COL27A1: variants seen among roughly 807,000 people sequenced by gnomAD.
The protein encoded by COL27A1 is collagen type XXVII alpha 1 chain.
COL27A1 carries 106 observed loss-of-function variants against 251.3 expected under a neutral mutation model. The observed-to-expected ratio is 0.42, with a 90% CI of 0.36 to 0.50. The LOEUF is 0.50. COL27A1 is among the 20% of genes least tolerant of loss of function. The pLI, the probability that COL27A1 is intolerant of heterozygous loss-of-function variation, is 0.00. For synonymous variants in COL27A1, 1,000 were observed against 986.3 expected, an observed-to-expected ratio of 1.01 and a Z score of -0.26; for missense variants, 2,325 against 2,522.8, an observed-to-expected ratio of 0.92 and a Z score of 1.68.
chr9:114,258,648 G>A (rs149584461), intron 28 of COL27A1, 54 bp downstream of exon 28: 27,093 of 1,567,154 alleles, frequency 0.017, 335 homozygotes, highest in Non-Finnish European at 0.02. Context: ...GGCACACTTG[G>A]AACAGGGCCA....
intron 5 of COL27A1, among the ~76,000 whole-genome samples, chr9:114,191,358 C>A (rs117692961): frequency 0.043 from 6,506 of 152,078 alleles, 181 homozygotes; most frequent in Middle Eastern, 0.092. Flanking sequence ...ACCTATCAAC[C>A]CGTCACCTAG....
chr9:114,256,309 G>T (rs753698339), intron 27 of COL27A1, among the ~76,000 whole-genome samples: 1 of 152,162 alleles, frequency 6.6e-6, no homozygotes, highest in Non-Finnish European at 1.5e-5. Flanking sequence ...GGCTAACACG[G>T]TGAAACCCCG....
At chr9:114,190,906 T>G (rs1171629583) in intron 5 of COL27A1, among the ~76,000 whole-genome samples, 1 of 152,262 alleles carries the variant, frequency 6.6e-6, no homozygotes, top group African/African-American at 2.4e-5. Context: ...TGTAAATGGT[T>G]AGTTAGACTT....
intron 5 of COL27A1, among the ~76,000 whole-genome samples, chr9:114,184,124 G>A (rs924334088): frequency 1.0e-3 from 5 of 4,972 alleles, no homozygotes; most frequent in Non-Finnish European, 2.0e-3. Flanking sequence ...GCTGTGGAGG[G>A]GGCAGATGGG....
chr9:114,286,437 A>G (rs548597372), intron 41 of COL27A1, among the ~76,000 whole-genome samples: 1 of 152,280 alleles, frequency 6.6e-6, no homozygotes, highest in East Asian at 1.9e-4. Flanking sequence ...GTCCGATGCC[A>G]GACCCTGCTT....
chr9:114,213,200 C>A lies in COL27A1; in HGVS notation c.2367+2174C>A, dbSNP rs533006800. 8.5e-5 allele frequency among the ~76,000 whole-genome samples: 13 copies of A among 152,224 alleles called. 1 individual carries two copies. Among genetic ancestry groups the A allele is most frequent in the Admixed American group, 3.3e-4 (5 of 15,292 alleles). On this transcript the variant is annotated intron_variant, in intron 12 of 60. Coordinates refer to ENST00000356083, the MANE Select transcript of COL27A1 (RefSeq NM_032888.4). ...CTCCTGAGCATGGAAGAGGTAAGAC[C>A]CATGAAAGCCTGGACATGTTATGGC...
In COL27A1 at chr9:114,264,356, GC is replaced by G; in HGVS notation, c.3202del (p.Arg1068GlufsTer15). ...GCTAGTCCCTTTTTCCTATTCCAGG[GC>G]CCCCGAGGACCGGACGGACCAGCTG... is the stretch of plus-strand genomic sequence containing the variant. ...PGMRGAKGRRGPRGPDGPAGE... is the reference protein window; with the variant it reads ...PGMRGAKGRRXPRGPDGPAGE... On this transcript the variant is annotated frameshift_variant and splice_region_variant, in exon 29 of 61. Transcript: ENST00000356083. LOFTEE classifies it high-confidence loss of function. The G allele has an allele frequency of 2.5e-6, 4 of 1,593,914 alleles. No individual in the cohort carries two copies. Among genetic ancestry groups the G allele is most frequent in the Non-Finnish European group, 3.4e-6 (4 of 1,169,372 alleles).
In COL27A1 at chr9:114,307,715, C is replaced by A; in HGVS notation, c.5154C>A (p.Ile1718=). Residue 1718 remains isoleucine (I), a synonymous_variant, in exon 59 of 61, where the codon ATC becomes ATA. Transcript: ENST00000356083. The part of the protein sequence containing the change: ...DPNLGCSSDT[I]EVSCNFTHGG... The stretch of plus-strand genomic sequence containing the variant: ...ACCTTGGCTGCTCCTCTGACACCAT[C>A]GAGGTCTCCTGCAACTTCACTCATG... The A allele has an allele frequency of 6.2e-7, 1 of 1,614,136 alleles. No homozygotes were observed. Among genetic ancestry groups the A allele is most frequent in the Non-Finnish European group, 8.5e-7 (1 of 1,180,006 alleles).
chr9:114,287,608 G>C (rs938022299), intron 41 of COL27A1, among the ~76,000 whole-genome samples: 1 of 152,120 alleles, frequency 6.6e-6, no homozygotes. Context: ...CCCCTGCCAC[G>C]TGTGCAGCAG....
At chr9:114,211,506 C>T (rs1292428328) in intron 12 of COL27A1, among the ~76,000 whole-genome samples, 2 of 152,222 alleles carry the variant, frequency 1.3e-5, no homozygotes, top group Non-Finnish European at 2.9e-5. Context: ...GCAGGCATGA[C>T]CGAAAGAGGG....
chr9:114,289,012 G>C (rs1827715227), intron 44 of COL27A1, 45 bp downstream of exon 44: 1 of 1,606,516 alleles, frequency 6.2e-7, no homozygotes, highest in East Asian at 2.2e-5. Context: ...ACCCTGAGTG[G>C]GGCGGAGCAG....
chr9:114,302,497 C>T (rs1293437533), intron 56 of COL27A1, among the ~76,000 whole-genome samples: 8 of 152,044 alleles, frequency 5.3e-5, no homozygotes, highest in South Asian at 2.1e-4. Context: ...GAGTTCGAGG[C>T]GAGCAGATCA....
chr9:114,285,521 A>G (rs545040290), intron 41 of COL27A1, among the ~76,000 whole-genome samples: 1 of 152,130 alleles, frequency 6.6e-6, no homozygotes, highest in Non-Finnish European at 1.5e-5. Context: ...CTCAGCTGGA[A>G]CGCTTCGCTT....
rs144951321 is a variant in COL27A1, at chr9:114,190,206, G to A, written c.2017-4198G>A. Reference sequence around the variant, plus strand: ...TTGACTTCTCTGGGCCAGGCCCTGTGCCAGATACTGAGACCAAGGATGACA... The same window carrying A: ...TTGACTTCTCTGGGCCAGGCCCTGTACCAGATACTGAGACCAAGGATGACA... On this transcript the variant is annotated intron_variant, in intron 5 of 60. Coordinates refer to ENST00000356083, the MANE Select transcript of COL27A1 (RefSeq NM_032888.4). 7.9e-3 allele frequency among the ~76,000 whole-genome samples: 1,200 copies of A among 152,294 alleles called. 13 individuals are homozygous for A. Among genetic ancestry groups the A allele is most frequent in the African/African-American group, 0.028 (1,143 of 41,562 alleles).
At chr9:114,172,661 G>A (rs935749283) in intron 3 of COL27A1, among the ~76,000 whole-genome samples, 5 of 152,144 alleles carry the variant, frequency 3.3e-5, no homozygotes, top group African/African-American at 1.2e-4. Context: ...AGGCATGGTG[G>A]TGTGCGCCTG....
At chr9:114,224,030 G>A (rs1192929174) in intron 14 of COL27A1, among the ~76,000 whole-genome samples, 3 of 152,198 alleles carry the variant, frequency 2.0e-5, no homozygotes, top group Non-Finnish European at 4.4e-5. Context: ...GATAAGTGAT[G>A]TCTGCCTTGG....
At chr9:114,266,514 A>T (rs954498162) in intron 32 of COL27A1, 51 bp from the exon 33 acceptor site, 2 of 1,534,052 alleles carry the variant, frequency 1.3e-6, no homozygotes, top group Admixed American at 1.7e-5. Flanking sequence ...GATCCCAAAG[A>T]GGGCCCAGGC....
intron 15 of COL27A1, 102 bp downstream of exon 15, chr9:114,231,234 A>G: frequency 8.8e-7 from 1 of 1,137,262 alleles, no homozygotes. Context: ...TGCTGGGGGA[A>G]GGGAGGATGG....
chr9:114,262,176 A>C (rs1017752951), intron 28 of COL27A1, among the ~76,000 whole-genome samples: 1 of 152,128 alleles, frequency 6.6e-6, no homozygotes, highest in Non-Finnish European at 1.5e-5. Flanking sequence ...GCCCCACCCC[A>C]TGTGGCTCCA....
Sources: allele counts gnomAD v4.1 joint callset (sites outside exome capture counted in the v4.1 genomes callset), GRCh38; gene constraint gnomAD v4.1.1; transcripts MANE v1.5; gene names NCBI Gene and HGNC (gene_info 2026-07-23, HGNC 2026-07-21).